Variants in RPS6KA6 observed in about 807,000 individuals in gnomAD.
The protein encoded by RPS6KA6 is ribosomal protein S6 kinase A6.
A neutral mutation model predicts 65.4 loss-of-function variants in RPS6KA6; 27 were observed. The ratio of observed to expected loss-of-function variants is 0.41; its 90% CI spans 0.30 to 0.57. The LOEUF (loss-of-function observed/expected upper bound fraction) is 0.57, where lower values mean the gene tolerates loss of function less well. RPS6KA6 is among the 20% of genes least tolerant of loss of function. The pLI is 0.24. For synonymous variants in RPS6KA6, 190 were observed against 184.2 expected (o/e 1.03, Z -0.26); for missense variants, 486 against 555.6 (o/e 0.87, Z 1.26).
rs180860392 is a variant in RPS6KA6, at chrX:84,093,480, A to C, written c.1971+2714T>G. Reference sequence around the variant, plus strand: ...AGAACTAAAGTCACCCGATCCATAAAAAGGGATTATCTAAGAGACCTTATG... The same window carrying C: ...AGAACTAAAGTCACCCGATCCATAACAAGGGATTATCTAAGAGACCTTATG... On this transcript the variant is annotated intron_variant, in intron 20 of 21. Coordinates refer to ENST00000262752, the MANE Select transcript of RPS6KA6 (RefSeq NM_014496.5). Among the ~76,000 whole-genome samples, 332 of 112,268 alleles carry C rather than the reference A, an allele frequency of 3.0e-3. 2 individuals are homozygous for C. Among genetic ancestry groups the C allele is most frequent in the African/African-American group, 0.011 (327 of 30,914 alleles).
chrX:84,097,875 T>A, intron 18 of RPS6KA6, 27 bp from the exon 19 acceptor site: 1 of 1,007,414 alleles, frequency 9.9e-7, no homozygotes. Flanking sequence ...CATTATATGG[T>A]GTTACTCAAT....
chrX:84,077,305 T>A (rs2033682118), intron 20 of RPS6KA6, among the ~76,000 whole-genome samples: 1 of 110,091 alleles, frequency 9.1e-6, no homozygotes, highest in Non-Finnish European at 1.9e-5. Context: ...ACAAAAAAAC[T>A]CAAAAAACTC....
chrX:84,136,317 G>A (rs1182073385), intron 6 of RPS6KA6, among the ~76,000 whole-genome samples: 1 of 111,459 alleles, frequency 9.0e-6, no homozygotes, highest in East Asian at 2.8e-4. Context: ...CAACCTGCTT[G>A]CCCATTTAGA....
At chrX:84,089,596 G>T (rs978312871) in intron 20 of RPS6KA6, among the ~76,000 whole-genome samples, 1 of 110,489 alleles carries the variant, frequency 9.1e-6, no homozygotes. Context: ...CTGGTGGCAT[G>T]GGCTCATGAG....
intron 12 of RPS6KA6, among the ~76,000 whole-genome samples, chrX:84,115,287 T>C (rs1318381531): frequency 9.0e-6 from 1 of 110,963 alleles, no homozygotes; most frequent in Non-Finnish European, 1.9e-5. Flanking sequence ...TATTAAAAGG[T>C]GGGCAAAGGA....
At chrX:84,178,406 CAG>C (rs2035800441) in intron 1 of RPS6KA6, among the ~76,000 whole-genome samples, 1 of 111,924 alleles carries the variant, frequency 8.9e-6, no homozygotes, top group Non-Finnish European at 1.9e-5. Context: ...GGTCTAAGAA[CAG>C]TCACTTAATG....
intron 20 of RPS6KA6, among the ~76,000 whole-genome samples, chrX:84,077,481 T>C (rs2033686339): frequency 9.0e-6 from 1 of 111,432 alleles, no homozygotes; most frequent in African/African-American, 3.3e-5. Context: ...ACAATTGATA[T>C]AAATACAAAT....
chrX:84,064,585 CTA>C (rs2033360108), intron 21 of RPS6KA6, among the ~76,000 whole-genome samples, 183 bp from the exon 22 acceptor site: 1 of 111,853 alleles, frequency 8.9e-6, no homozygotes, highest in Non-Finnish European at 1.9e-5. Context: ...ATTTCAATAA[CTA>C]TGCTTTTTAC....
At chrX:84,115,774 T>C (rs5922015) in intron 12 of RPS6KA6, among the ~76,000 whole-genome samples, 2 of 111,834 alleles carry the variant, frequency 1.8e-5, no homozygotes, top group Non-Finnish European at 3.8e-5. Flanking sequence ...TATGCAGCCA[T>C]AAGAAAGAAT....
Position 84,133,229 on chromosome X carries a change from T to C in RPS6KA6, c.646+1553A>G, listed in dbSNP as rs376111307. Among the ~76,000 whole-genome samples, 11 of 111,851 alleles carry C rather than the reference T, an allele frequency of 9.8e-5. No homozygotes were observed. In the East Asian group the frequency reaches 1.1e-3, roughly 11 times the overall value. Reference sequence around the variant, plus strand: ...TTAAAATACTTGCTGTGAGTGGTCATACTTTAACCAACCTCATTGGAATGC... The same window carrying C: ...TTAAAATACTTGCTGTGAGTGGTCACACTTTAACCAACCTCATTGGAATGC... On this transcript the variant is annotated intron_variant, in intron 8 of 21. Transcript: ENST00000262752.
Position 84,147,005 on chromosome X carries a change from G to A in RPS6KA6, c.394C>T (p.His132Tyr). 8.5e-7 allele frequency: 1 copy of A among 1,181,217 alleles called. No homozygotes were observed. ...TAGTGCAATTTGACAATAAATGGATGATTTACTTCCACCAGTATATCCCTC... is the reference window on the plus strand; with the variant it reads ...TAGTGCAATTTGACAATAAATGGATAATTTACTTCCACCAGTATATCCCTC... ...MERDILVEVN[H>Y]PFIVKLHYAF... The change falls in exon 5 of 22, where the codon CAT becomes TAT. Residue 132 changes from histidine (H) to tyrosine (Y), a missense_variant. By Grantham distance (83) the His-to-Tyr change is moderately conservative. Coordinates refer to ENST00000262752, the MANE Select transcript of RPS6KA6 (RefSeq NM_014496.5).
intron 2 of RPS6KA6, among the ~76,000 whole-genome samples, chrX:84,161,428 A>G (rs2035510121): frequency 1.8e-5 from 2 of 111,697 alleles, no homozygotes; most frequent in African/African-American, 6.5e-5. Flanking sequence ...AGAGTTTTGC[A>G]TATCTGTAGG....
At chrX:84,125,486 TAA>T (rs2034764821) in intron 8 of RPS6KA6, among the ~76,000 whole-genome samples, 1 of 111,431 alleles carries the variant, frequency 9.0e-6, no homozygotes, top group Non-Finnish European at 1.9e-5. Flanking sequence ...CAGTTTAAAA[TAA>T]GAGGTATTAG....
chrX:84,150,880 T>G (rs1237717318), intron 3 of RPS6KA6, among the ~76,000 whole-genome samples: 1 of 99,166 alleles, frequency 1.0e-5, no homozygotes, highest in Non-Finnish European at 2.0e-5. Flanking sequence ...ATAGGATATA[T>G]ATATATAGAG....
chrX:84,130,931 G>C (rs752236247), intron 8 of RPS6KA6, among the ~76,000 whole-genome samples: 28 of 111,966 alleles, frequency 2.5e-4, no homozygotes, highest in African/African-American at 9.0e-4. Context: ...ATAGTTACAA[G>C]GCTGTACGCA....
rs1184352079 is a variant in RPS6KA6 at position 84,166,744 on chromosome X, ATGGT to A, written c.82-2361_82-2358del. Among the ~76,000 whole-genome samples the A allele has an allele frequency of 9.0e-5, 10 of 111,622 alleles. No individual in the cohort carries two copies. The East Asian group carries it at 2.5e-3, about 28-fold the overall frequency. On this transcript the variant is annotated intron_variant, in intron 1 of 21. Transcript: ENST00000262752. ...ATGTATAGAGACAGAAAGCAGACTA[ATGGT>A]TGGTTGGGGTGAGGTATGTGGAGAT...
intron 1 of RPS6KA6, among the ~76,000 whole-genome samples, chrX:84,174,446 T>A (rs1982811512): frequency 9.0e-6 from 1 of 111,501 alleles, no homozygotes. Flanking sequence ...GTCTTTTTTT[T>A]AAAAGAGTCT....
chrX:84,087,857 ATTC>A (rs1158514019), intron 20 of RPS6KA6, among the ~76,000 whole-genome samples: 1 of 111,133 alleles, frequency 9.0e-6, no homozygotes, highest in Non-Finnish European at 1.9e-5. Flanking sequence ...GTTTGTTTTC[ATTC>A]TTTTTTCTCT....
chrX:84,139,926 G>A (rs772021719), intron 6 of RPS6KA6, among the ~76,000 whole-genome samples: 2 of 111,829 alleles, frequency 1.8e-5, no homozygotes, highest in Non-Finnish European at 3.8e-5. Flanking sequence ...GGCTAAGTCA[G>A]GTGGAGCCTG....
Sources: allele counts gnomAD v4.1 joint callset (sites outside exome capture counted in the v4.1 genomes callset), GRCh38; gene constraint gnomAD v4.1.1; transcripts MANE v1.5; gene names NCBI Gene and HGNC (gene_info 2026-07-23, HGNC 2026-07-21).